The following PLEKHA6 variants were observed in gnomAD, a reference collection of about 807,000 sequenced individuals.
PLEKHA6 encodes the protein pleckstrin homology domain-containing family A member 6.
Under a neutral mutation model 116.7 loss-of-function variants are expected in PLEKHA6, and 60 were observed. The observed-to-expected ratio is 0.51, with a 90% CI of 0.42 to 0.64. The LOEUF (loss-of-function observed/expected upper bound fraction) is 0.64. Ranked by LOEUF, PLEKHA6 falls within the 30% of genes least tolerant of loss-of-function variation. The pLI, the probability that PLEKHA6 is intolerant of heterozygous loss-of-function variation, is 0.00. For synonymous variants in PLEKHA6, 489 were observed against 556.1 expected (o/e 0.88, Z 1.70); for missense variants, 1,338 against 1,422.7 (o/e 0.94, Z 0.96).
At chr1:204,300,600 TC>T (rs1410788946) in intron 1 of PLEKHA6, among the ~76,000 whole-genome samples, 2 of 152,162 alleles carry the variant, frequency 1.3e-5, no homozygotes, top group Non-Finnish European at 2.9e-5. Context: ...CTATCAGATG[TC>T]CAGAAAGTAC....
chr1:204,298,267 G>A (rs1045088294), intron 1 of PLEKHA6, among the ~76,000 whole-genome samples: 2 of 152,230 alleles, frequency 1.3e-5, no homozygotes, highest in Admixed American at 1.3e-4. Context: ...GCCCCAGATG[G>A]AATGAGGGAC....
chr1:204,362,820 T>G (rs1239841062), upstream of PLEKHA6, among the ~76,000 whole-genome samples: 1 of 152,228 alleles, frequency 6.6e-6, no homozygotes, highest in African/African-American at 2.4e-5. Flanking sequence ...TTGCTGGGAC[T>G]TACAGGTGTG....
At chr1:204,306,921 G>A (rs1364238192) in intron 1 of PLEKHA6, among the ~76,000 whole-genome samples, 1 of 152,200 alleles carries the variant, frequency 6.6e-6, no homozygotes, top group African/African-American at 2.4e-5. Context: ...CACATGGGTT[G>A]TACTTATGTC....
intron 6 of PLEKHA6, among the ~76,000 whole-genome samples, chr1:204,263,057 T>A (rs1666336584): frequency 6.6e-6 from 1 of 152,086 alleles, no homozygotes; most frequent in Non-Finnish European, 1.5e-5. Context: ...CAGAACTCGC[T>A]GGGGGCACCA....
At position 204,299,893 on chromosome 1, in the gene PLEKHA6, C is replaced by T. The variant is rs7541183; in HGVS notation, c.-94-25084G>A. Among the ~76,000 whole-genome samples the T allele has an allele frequency of 2.6e-3, 394 of 152,258 alleles. 1 individual carries two copies. Among genetic ancestry groups the T allele is most frequent in the African/African-American group, 9.0e-3 (374 of 41,542 alleles). ...TAGTGAAGCACAGGCCACTCCCCTG[C>T]CAGAGCAGCCGGCCCTTCTACTGCT... On this transcript the variant is annotated intron_variant, in intron 1 of 22. Transcript: ENST00000272203.
In PLEKHA6 at chr1:204,340,314, C is replaced by G. The variant is rs555063107; in HGVS notation, c.-95+19380G>C. The stretch of plus-strand genomic sequence containing the variant: ...GACTCACACAAAAGCCACCCATTAT[C>G]CCGTAATTATTGTCTCTCTCGTGCC... On this transcript the variant is annotated intron_variant, in intron 1 of 22. Transcript: ENST00000272203. Among the ~76,000 whole-genome samples the G allele has an allele frequency of 6.6e-5, 10 of 152,310 alleles. No homozygotes were observed. In the South Asian group the frequency reaches 8.3e-4, roughly 13 times the overall value.
At chr1:204,293,708 G>A (rs1259755198) in intron 1 of PLEKHA6, among the ~76,000 whole-genome samples, 1 of 152,030 alleles carries the variant, frequency 6.6e-6, no homozygotes, top group African/African-American at 2.4e-5. Flanking sequence ...CGAGTTTTTT[G>A]GCACCCATTT....
intron 1 of PLEKHA6, among the ~76,000 whole-genome samples, chr1:204,334,494 A>C (rs6594004): frequency 0.95 from 145,045 of 152,304 alleles, 69,169 homozygotes; most frequent in East Asian, 1. Flanking sequence ...TTATGGGGTA[A>C]AATGCGATGG....
Position 204,257,769 on chromosome 1 carries a change from G to T in PLEKHA6, c.1108C>A (p.Arg370=). 1 of 1,613,890 alleles carries T rather than the reference G, an allele frequency of 6.2e-7. No homozygotes were observed. The highest frequency in any genetic ancestry group is 1.3e-5 in the African/African-American group (1 of 75,026). The change falls in exon 9 of 23, where the codon CGG becomes AGG. Residue 370 remains arginine (R), a synonymous_variant. Coordinates refer to ENST00000272203, the MANE Select transcript of PLEKHA6 (RefSeq NM_014935.5). The surrounding 1 kb of genome is among the most constrained non-coding windows in gnomAD (Gnocchi z 6.5). The part of the protein sequence containing the change: ...DDYQYYPPGV[R]PESICSMPAY... ...GGCATGGAACAGATGCTCTCCGGCC[G>T]CACTCCTGGCGGGTAGTACTGATAA...
At position 204,248,801 on chromosome 1, in the gene PLEKHA6, A is replaced by G. The variant is rs754078754; in HGVS notation, c.1824+20T>C. On this transcript the variant is annotated intron_variant, in intron 12 of 22. Coordinates refer to ENST00000272203, the MANE Select transcript of PLEKHA6 (RefSeq NM_014935.5). ...TAGTGCTGATGAGGTGGGGTGCACG[A>G]ACCCCGCTCCCTGGGTTACCGTGGT... The G allele has an allele frequency of 1.2e-6, 2 of 1,610,826 alleles. No homozygotes were observed. The highest frequency in any genetic ancestry group is 2.2e-5 in the South Asian group (2 of 90,882).
At position 204,259,694 on chromosome 1, in the gene PLEKHA6, G is replaced by A; in HGVS notation, c.571C>T (p.Gln191Ter). The change falls in exon 8 of 23, where the codon CAG becomes TAG. Residue 191 changes from glutamine to a stop codon, truncating the protein, a stop_gained. Transcript: ENST00000272203. LOFTEE classifies it high-confidence loss of function. The surrounding 1 kb of genome is among the most constrained non-coding windows in gnomAD (Gnocchi z 4.6). ...GGGAGGCTGTTGTGGGGTGGCTGCTGGTGGTGCTTGCTGGGTGGGACGTTC... is the reference window on the plus strand; with the variant it reads ...GGGAGGCTGTTGTGGGGTGGCTGCTAGTGGTGCTTGCTGGGTGGGACGTTC... ...SENVPPSKHH[Q>*]QPPHNSLPKP... 2 of 1,613,814 alleles carry A rather than the reference G, an allele frequency of 1.2e-6. No individual in the cohort carries two copies. The highest frequency in any genetic ancestry group is 1.7e-6 in the Non-Finnish European group (2 of 1,179,822).
intron 9 of PLEKHA6, chr1:204,256,656 G>C (rs978241913): frequency 2.3e-6 from 1 of 426,008 alleles, no homozygotes; most frequent in Non-Finnish European, 4.1e-6. Flanking sequence ...GGCTGGGAGG[G>C]AGGAGGTATC....
At chr1:204,362,843 T>G (rs1284470410), upstream of PLEKHA6, among the ~76,000 whole-genome samples, 1 of 152,208 alleles carries the variant, frequency 6.6e-6, no homozygotes, top group Non-Finnish European at 1.5e-5. Context: ...CCACCATGCC[T>G]GGCTAACGAT....
chr1:204,353,575 G>A (rs1259776570), intron 1 of PLEKHA6, among the ~76,000 whole-genome samples: 2 of 152,200 alleles, frequency 1.3e-5, no homozygotes, highest in East Asian at 1.9e-4. Context: ...AGCATATGGA[G>A]AACTTTAAAG....
chr1:204,292,074 G>A (rs1669824865), intron 1 of PLEKHA6, among the ~76,000 whole-genome samples: 1 of 152,180 alleles, frequency 6.6e-6, no homozygotes, highest in South Asian at 2.1e-4. Flanking sequence ...CTGGTTACAG[G>A]CAGAGATGAA....
At chr1:204,260,408 C>A (rs1234004439) in intron 7 of PLEKHA6, among the ~76,000 whole-genome samples, 2 of 152,210 alleles carry the variant, frequency 1.3e-5, no homozygotes, top group Non-Finnish European at 2.9e-5. Flanking sequence ...AGAATACAGG[C>A]CCCACAAGGG....
chr1:204,245,816 CTT>C (rs1395196538), intron 13 of PLEKHA6, 90 bp from the exon 14 acceptor site: 9 of 863,946 alleles, frequency 1.0e-5, no homozygotes, highest in African/African-American at 1.6e-5. Context: ...ACCCACATCC[CTT>C]TGGGCCAGCA....
intron 17 of PLEKHA6, among the ~76,000 whole-genome samples, chr1:204,233,624 T>A (rs1661537547): frequency 6.6e-6 from 1 of 152,046 alleles, no homozygotes; most frequent in Admixed American, 6.6e-5. Context: ...AATTTTTAAT[T>A]TTTTTGTAGA....
chr1:204,285,123 G>T (rs749982689), intron 1 of PLEKHA6, among the ~76,000 whole-genome samples: 5 of 152,222 alleles, frequency 3.3e-5, no homozygotes, highest in Non-Finnish European at 7.3e-5. Flanking sequence ...ATACGGGACA[G>T]AATAGTCACA....
Sources: allele counts gnomAD v4.1 joint callset (sites outside exome capture counted in the v4.1 genomes callset), GRCh38; gene constraint gnomAD v4.1.1; non-coding constraint Gnocchi (gnomAD v3.1); transcripts MANE v1.5; gene names NCBI Gene and HGNC (gene_info 2026-07-23, HGNC 2026-07-21).